PACRG: variants seen among roughly 807,000 people sequenced by gnomAD.
The protein encoded by PACRG is parkin coregulated gene protein.
In PACRG, 29 loss-of-function variants were observed where a neutral mutation model predicts 29.7. That is an observed-to-expected ratio of 0.98 (90% confidence interval 0.73 to 1.33). The LOEUF (loss-of-function observed/expected upper bound fraction) is 1.33, where lower values mean the gene tolerates loss of function less well. Ranked by LOEUF, PACRG falls within the 40% of genes most tolerant of loss-of-function variation. PACRG has a pLI of 0.00. For missense variants in PACRG, 279 were observed against 316.2 expected (o/e 0.88, Z 0.89); for synonymous variants, 116 against 118.7 (o/e 0.98, Z 0.15).
intron 3 of PACRG, among the ~76,000 whole-genome samples, chr6:163,076,814 T>C (rs562643717): frequency 6.6e-6 from 1 of 152,238 alleles, no homozygotes; most frequent in East Asian, 1.9e-4. Flanking sequence ...CTCTTCTGAT[T>C]CACCTCTCCA....
chr6:163,155,840 C>T (rs973299664), intron 4 of PACRG, among the ~76,000 whole-genome samples: 2 of 152,202 alleles, frequency 1.3e-5, no homozygotes, highest in Admixed American at 1.3e-4. Context: ...CATCCTCTTG[C>T]TTTACTTGCT....
intron 4 of PACRG, among the ~76,000 whole-genome samples, chr6:163,098,531 C>T (rs538600739): frequency 1.3e-5 from 2 of 152,244 alleles, no homozygotes; most frequent in East Asian, 3.9e-4. Context: ...GCCCAGATGC[C>T]GGGTGACAGT....
intron 4 of PACRG, chr6:163,244,945 C>A (rs747156232): frequency 7.6e-5 from 30 of 396,810 alleles, no homozygotes; most frequent in Admixed American, 9.3e-5. Context: ...TTTAGTAACC[C>A]ATCGACAAAG....
chr6:163,133,124 G>A (rs1816800764), intron 4 of PACRG, among the ~76,000 whole-genome samples: 1 of 152,172 alleles, frequency 6.6e-6, no homozygotes, highest in African/African-American at 2.4e-5. Flanking sequence ...GGAGAAGAAG[G>A]ATTTGCTCCA....
At position 163,262,433 on chromosome 6, in the gene PACRG, G is replaced by C. The variant is rs113103389; in HGVS notation, c.614-52394G>C. Among the ~76,000 whole-genome samples, 1,098 of 152,274 alleles carry C rather than the reference G, an allele frequency of 7.2e-3. 11 individuals are homozygous for C. Among genetic ancestry groups the C allele is most frequent in the African/African-American group, 0.024 (996 of 41,546 alleles). On this transcript the variant is annotated intron_variant, in intron 4 of 4. Coordinates refer to ENST00000366888, the MANE Select transcript of PACRG (RefSeq NM_001080379.2). ...TGAGCACAGTAGGAAGAAAATCTTTGTGTAAATTCAGGTTGGCTTTATAAT... is the reference window on the plus strand; with the variant it reads ...TGAGCACAGTAGGAAGAAAATCTTTCTGTAAATTCAGGTTGGCTTTATAAT...
intron 1 of PACRG, among the ~76,000 whole-genome samples, chr6:162,790,766 G>A (rs2128325866): frequency 6.6e-6 from 1 of 152,236 alleles, no homozygotes; most frequent in South Asian, 2.1e-4. Context: ...ACGTCTCTAA[G>A]ACTGGTCTTA....
At chr6:163,205,822 G>C (rs1780879722) in intron 4 of PACRG, among the ~76,000 whole-genome samples, 1 of 152,064 alleles carries the variant, frequency 6.6e-6, no homozygotes, top group African/African-American at 2.4e-5. Flanking sequence ...TCTGACAAAG[G>C]CCTAAAATTC....
chr6:163,075,439 A>G (rs1412629886), intron 3 of PACRG, among the ~76,000 whole-genome samples: 1 of 152,174 alleles, frequency 6.6e-6, no homozygotes, highest in Non-Finnish European at 1.5e-5. Flanking sequence ...ATATTCATGG[A>G]TATTATAAGA....
intron 4 of PACRG, among the ~76,000 whole-genome samples, chr6:163,276,663 G>A (rs1784038960): frequency 6.6e-6 from 1 of 152,266 alleles, no homozygotes; most frequent in Admixed American, 6.5e-5. Context: ...GCCTTTGGGG[G>A]GTGATTAGAT....
intron 4 of PACRG, among the ~76,000 whole-genome samples, chr6:163,253,863 CACTGAGTGCCA>C (rs1367943265): frequency 6.6e-6 from 1 of 152,226 alleles, no homozygotes; most frequent in African/African-American, 2.4e-5. Flanking sequence ...GCCCTGCAGT[CACTGAGTGCCA>C]CTGGAGCAGG....
chr6:162,835,364 G>C (rs1222696330), intron 2 of PACRG, among the ~76,000 whole-genome samples: 1 of 152,016 alleles, frequency 6.6e-6, no homozygotes, highest in African/African-American at 2.4e-5. Flanking sequence ...GATATAATAT[G>C]ATCTGGTCCT....
At chr6:162,852,810 A>G (rs1791037961) in intron 2 of PACRG, among the ~76,000 whole-genome samples, 1 of 152,246 alleles carries the variant, frequency 6.6e-6, no homozygotes, top group Non-Finnish European at 1.5e-5. Flanking sequence ...TGAGAATTAT[A>G]TGCCAACAAT....
intron 1 of PACRG, among the ~76,000 whole-genome samples, chr6:162,751,583 G>T (rs1215006873): frequency 6.6e-6 from 1 of 151,826 alleles, no homozygotes; most frequent in Non-Finnish European, 1.5e-5. Flanking sequence ...AAACTTAATT[G>T]TCAATATCAA....
chr6:163,312,807 C>T, intron 4 of PACRG: 1 of 435,758 alleles, frequency 2.3e-6, no homozygotes, highest in Non-Finnish European at 4.5e-6. Context: ...GGCTGGAGTG[C>T]AGTGGCGCGA....
intron 4 of PACRG, among the ~76,000 whole-genome samples, chr6:163,122,059 T>G (rs1385534563): frequency 6.6e-6 from 1 of 152,180 alleles, no homozygotes; most frequent in Non-Finnish European, 1.5e-5. Flanking sequence ...TTATTAATGG[T>G]CATTTTCTAC....
chr6:163,287,797 G>A (rs928160428), intron 4 of PACRG, among the ~76,000 whole-genome samples: 1 of 152,168 alleles, frequency 6.6e-6, no homozygotes, highest in African/African-American at 2.4e-5. Context: ...TGAGTGTGGC[G>A]TGCGCAGTTG....
chr6:162,784,465 T>C lies in PACRG; in HGVS notation c.157-29682T>C, dbSNP rs1285441873. On this transcript the variant is annotated intron_variant, in intron 1 of 4. Transcript: ENST00000366888. ...GCTATGCAGCAAGAAAGAACATCAG[T>C]GTGGGACTTTGTGTGATCCAAAAAT... Among the ~76,000 whole-genome samples, 4 of 152,190 alleles carry C rather than the reference T, an allele frequency of 2.6e-5. No individual in the cohort carries two copies. In the East Asian group the frequency reaches 7.7e-4, roughly 29 times the overall value.
At chr6:162,818,636 A>G (rs1446681266) in intron 2 of PACRG, among the ~76,000 whole-genome samples, 1 of 152,178 alleles carries the variant, frequency 6.6e-6, no homozygotes, top group Non-Finnish European at 1.5e-5. Flanking sequence ...TAAACCATTC[A>G]TTTATTTTGA....
intron 2 of PACRG, among the ~76,000 whole-genome samples, chr6:162,865,051 A>G (rs1776840929): frequency 1.3e-5 from 2 of 152,168 alleles, no homozygotes; most frequent in Admixed American, 6.5e-5. Flanking sequence ...TCTTTCACCA[A>G]TTACTAAATG....
Sources: allele counts gnomAD v4.1 joint callset (sites outside exome capture counted in the v4.1 genomes callset), GRCh38; gene constraint gnomAD v4.1.1; transcripts MANE v1.5; gene names NCBI Gene and HGNC (gene_info 2026-07-23, HGNC 2026-07-21).